The following EPPK1 variants were observed in gnomAD, a reference collection of about 807,000 sequenced individuals.
EPPK1 encodes the protein epiplakin.
For missense variants in EPPK1, 3,823 were observed against 3,673.3 expected, an observed-to-expected ratio of 1.04 and a Z score of -1.05; for synonymous variants, 1,862 against 1,721.2, an observed-to-expected ratio of 1.08 and a Z score of -2.03.
At position 143,868,325 on chromosome 8, in the gene EPPK1, C is replaced by T. The variant is rs782342870; in HGVS notation, c.4929G>A (p.Leu1643=). The T allele has an allele frequency of 5.0e-6, 8 of 1,613,168 alleles. No individual in the cohort carries two copies. In the East Asian group the frequency reaches 8.9e-5, roughly 18 times the overall value. Residue 1643 remains leucine, a synonymous_variant, in exon 2 of 2, where the codon CTG becomes CTA. Transcript: ENST00000615648. ...MFGKETYVKL[L]SAERAVTGYT... is the part of the protein sequence containing the mutation. ...AGCCGGTGACGGCGCGCTCGGCCGA[C>T]AGCAGCTTCACGTAGGTTTCTTTCC...
chr8:143,873,851 A>G (rs543821511), intron 1 of EPPK1, among the ~76,000 whole-genome samples: 163 of 151,896 alleles, frequency 1.1e-3, no homozygotes, highest in African/African-American at 3.6e-3. Flanking sequence ...ACTCCAGAGA[A>G]GCCTCTGCCA....
rs192089443 is a variant in EPPK1 at position 143,870,639 on chromosome 8, G to A, written c.2615C>T (p.Thr872Met). Residue 872 changes from threonine (T) to methionine (M), a missense_variant, in exon 2 of 2, where the codon ACG becomes ATG. Transcript: ENST00000615648. The surrounding 1 kb of genome is among the most constrained non-coding windows in gnomAD (Gnocchi z 5.2). ...CAGCATGATGTCCGCCTGTCTCTGC[G>A]TCTCCGCCTCCAGCAGCTTTGCCAC... The part of the protein sequence containing the change: ...GQVAKLLEAE[T>M]QRQADIMLPA... 842 of 1,606,462 alleles carry A rather than the reference G, an allele frequency of 5.2e-4. 1 individual carries two copies. Among genetic ancestry groups the A allele is most frequent in the Admixed American group, 2.1e-3 (122 of 59,262 alleles).
At position 143,871,668 on chromosome 8, in the gene EPPK1, T is replaced by C. The variant is rs1554661259; in HGVS notation, c.1586A>G (p.Gln529Arg). The C allele has an allele frequency of 1.2e-6, 2 of 1,602,994 alleles. No homozygotes were observed. The highest frequency in any genetic ancestry group is 2.7e-5 in the African/African-American group (2 of 74,772). Residue 529 changes from glutamine to arginine, a missense_variant, in exon 2 of 2, where the codon CAG becomes CGG. Transcript: ENST00000615648. ...ISSEQRAMLA[Q>R]QYQEGTLSVE... ...GGAGAGGGTCCCTTCCTGGTACTGC[T>C]GGGCCAGCATCGCCCTCTGCTCTGA...
chr8:143,873,043 C>T lies in EPPK1; in HGVS notation c.211G>A (p.Gly71Arg), dbSNP rs193226526. Residue 71 changes from glycine (G) to arginine (R), a missense_variant, in exon 2 of 2, where the codon GGG becomes AGG. Coordinates refer to ENST00000615648, the MANE Select transcript of EPPK1 (RefSeq NM_031308.4). The stretch of plus-strand genomic sequence containing the variant: ...GCCTGGGCCTCTAGCAGAGCCTGCC[C>T]GAGCCCAGCAGGCAGGAGGCCCTGC... ...MEQGLLPAGL[G>R]QALLEAQAAT... The T allele has an allele frequency of 1.1e-5, 17 of 1,564,602 alleles. No homozygotes were observed. The highest frequency in any genetic ancestry group is 9.5e-5 in the African/African-American group (7 of 73,738).
At position 143,867,911 on chromosome 8, in the gene EPPK1, A is replaced by G. The variant is rs781964389; in HGVS notation, c.5343T>C (p.Thr1781=). The change falls in exon 2 of 2, where the codon ACT becomes ACC. Residue 1781 remains threonine (T), a synonymous_variant. Coordinates refer to ENST00000615648, the MANE Select transcript of EPPK1 (RefSeq NM_031308.4). ...EATRHVLQSR[T]AKMRVGRFAD... is the part of the protein sequence containing the mutation. ...CAAACCTCCCCACGCGCATTTTTGC[A>G]GTTCTGGATTGCAACACGTGTCTCG... 8.7e-6 allele frequency: 14 copies of G among 1,613,434 alleles called. No individual in the cohort carries two copies. The South Asian group carries it at 1.5e-4, about 18-fold the overall frequency.
chr8:143,858,011 T>A lies in EPPK1; in HGVS notation c.15243A>T (p.Leu5081=). The A allele has an allele frequency of 6.2e-7, 1 of 1,602,434 alleles. No homozygotes were observed. Among genetic ancestry groups the A allele is most frequent in the Non-Finnish European group, 8.5e-7 (1 of 1,176,190 alleles). Residue 5081 remains leucine, a synonymous_variant, in exon 2 of 2, where the codon CTA becomes CTT. Transcript: ENST00000615648. ...GTCACTGTAGAGAGAGAGAAAGAAA[T>A]AGGAGCCCCGTCTCAGGGTCCAGGG... ...RATLDPETGL[L]FLSLSLQ
Position 143,870,198 on chromosome 8 carries a change from T to C in EPPK1, c.3056A>G (p.Gln1019Arg). The C allele has an allele frequency of 6.2e-7, 1 of 1,610,972 alleles. No homozygotes were observed. The highest frequency in any genetic ancestry group is 8.5e-7 in the Non-Finnish European group (1 of 1,179,190). Residue 1019 changes from glutamine (Q) to arginine (R), a missense_variant, in exon 2 of 2, where the codon CAG becomes CGG. Transcript: ENST00000615648. The surrounding 1 kb of genome is among the most constrained non-coding windows in gnomAD (Gnocchi z 5.2). ...CTTCATGGCCTGGAACACAGACACC[T>C]GCTTCCCAGAGAAGGGGTCTCTGAA... ...AGFRDPFSGK[Q>R]VSVFQAMKKG...
At chr8:143,878,132 C>A (rs905414690) in intron 1 of EPPK1, among the ~76,000 whole-genome samples, 1 of 152,070 alleles carries the variant, frequency 6.6e-6, no homozygotes, top group Non-Finnish European at 1.5e-5. Context: ...CCCCTGGCCG[C>A]CTCTCCCGTG....
At chr8:143,873,348 C>T (rs1554661948) in intron 1 of EPPK1, 50 bp from the exon 2 acceptor site, 1 of 1,335,198 alleles carries the variant, frequency 7.5e-7, no homozygotes, top group Non-Finnish European at 9.8e-7. Context: ...GCCTGGTGGG[C>T]ACGAGGGAAG....
intron 1 of EPPK1, among the ~76,000 whole-genome samples, chr8:143,876,722 C>T (rs1213100770): frequency 1.3e-5 from 2 of 152,246 alleles, no homozygotes; most frequent in South Asian, 2.1e-4. Flanking sequence ...CTAAGGCAGC[C>T]ACTCACTATG....
rs1563880200 is a variant in EPPK1, at chr8:143,867,325, C to A, written c.5929G>T (p.Gly1977Cys). 3.1e-6 allele frequency: 5 copies of A among 1,612,726 alleles called. No homozygotes were observed. Among genetic ancestry groups the A allele is most frequent in the Non-Finnish European group, 3.4e-6 (4 of 1,179,824 alleles). The change falls in exon 2 of 2, where the codon GGC becomes TGC. Residue 1977 changes from glycine (G) to cysteine (C), a missense_variant. By Grantham distance (159) the Gly-to-Cys change is radical. Coordinates refer to ENST00000615648, the MANE Select transcript of EPPK1 (RefSeq NM_031308.4). ...RLLKAERAAT[G>C]YRDPATGDTI... is the part of the protein sequence containing the mutation. ...TCTCCTGTGGCCGGATCCCTGTAGC[C>A]CGTGGCAGCTCTTTCAGCCTTCAGG...
rs1259292712 is a variant in EPPK1, at chr8:143,866,459, C to T, written c.6795G>A (p.Ala2265=). Residue 2265 remains alanine (A), a synonymous_variant, in exon 2 of 2, where the codon GCG becomes GCA. Transcript: ENST00000615648. ...CGATGACGAAGCCGGTGGCCGCCTG[C>T]GCCTCCAGCAGCACCAGGGCCGTGC... is the stretch of plus-strand genomic sequence containing the variant. The part of the protein sequence containing the change: ...RPGTALVLLE[A]QAATGFVIDP... 155 of 1,451,932 alleles carry T rather than the reference C, an allele frequency of 1.1e-4. No individual in the cohort carries two copies. In the South Asian group the frequency reaches 1.2e-3, roughly 11 times the overall value. 89.9% of individuals were successfully genotyped at this position (1,451,932 alleles called of 1,614,324 possible). A position where few individuals can be genotyped will look rare whatever the true frequency, so the allele number is the denominator to read the frequency against.
In EPPK1 at chr8:143,870,433, C is replaced by T. The variant is rs1554660777; in HGVS notation, c.2821G>A (p.Gly941Ser). The T allele has an allele frequency of 3.1e-6, 5 of 1,596,776 alleles. No individual in the cohort carries two copies. The highest frequency in any genetic ancestry group is 2.6e-6 in the Non-Finnish European group (3 of 1,176,390). The stretch of plus-strand genomic sequence containing the variant: ...GCCTGGTAGAGGCTGAGCCGCTGGC[C>T]AGAGGGCAGCAGCCGCACACCGCCC... The part of the protein sequence containing the change: ...AVGGVRLLPS[G>S]QRLSLYQAMR... The change falls in exon 2 of 2, where the codon GGC (glycine) becomes AGC (serine). Residue 941 changes from glycine to serine, a missense_variant. By Grantham distance (56) the Gly-to-Ser change is moderately conservative. Coordinates refer to ENST00000615648, the MANE Select transcript of EPPK1 (RefSeq NM_031308.4). This position sits in a 1 kb window ranked among gnomAD's most constrained non-coding sequence, Gnocchi z 5.2.
Position 143,869,616 on chromosome 8 carries a change from A to C in EPPK1, c.3638T>G (p.Ile1213Ser). Residue 1213 changes from isoleucine to serine, a missense_variant, in exon 2 of 2, where the codon ATC becomes AGC. Transcript: ENST00000615648. The part of the protein sequence containing the change: ...VPAVWLLDAG[I>S]ITQETLEALA... ...GGCCTCAAGGGTCTCCTGGGTGATG[A>C]TGCCAGCATCCAGCAGCCAGACAGC... The C allele has an allele frequency of 1.3e-6, 2 of 1,577,222 alleles. No homozygotes were observed. Among genetic ancestry groups the C allele is most frequent in the South Asian group, 1.1e-5 (1 of 87,142 alleles).
Position 143,866,548 on chromosome 8 carries a change from G to A in EPPK1, c.6706C>T (p.Gln2236Ter). Residue 2236 changes from glutamine to a stop codon, truncating the protein, a stop_gained, in exon 2 of 2, where the codon CAG (glutamine) becomes TAG (stop). Transcript: ENST00000615648. LOFTEE classifies it low-confidence loss of function (END_TRUNC). ...IAGVLVPAKD[Q>*]PGRQEKMSIY... ...CTCATCTTCTCCTGGCGGCCGGGCT[G>A]GTCCTTGGCGGGCACCAGGACGCCC... 6.2e-7 allele frequency: 1 copy of A among 1,602,312 alleles called. No homozygotes were observed. The highest frequency in any genetic ancestry group is 1.1e-5 in the South Asian group (1 of 89,862).
chr8:143,873,194 G>C lies in EPPK1; in HGVS notation c.60C>G (p.Ala20=). 1 of 1,593,496 alleles carries C rather than the reference G, an allele frequency of 6.3e-7. No individual in the cohort carries two copies. Among genetic ancestry groups the C allele is most frequent in the East Asian group, 2.2e-5 (1 of 44,784 alleles). ...TGGCTGCCATGGCTCTGGGTACACT[G>C]GCCTGCTCTGTGCTGTTGGTGCCTG... The part of the protein sequence containing the change: ...PVPGTNSTEQ[A]SVPRAMAATL... Residue 20 remains alanine (A), a synonymous_variant, in exon 2 of 2, where the codon GCC becomes GCG. Transcript: ENST00000615648.
At chr8:143,875,235 C>T (rs1482311464) in intron 1 of EPPK1, among the ~76,000 whole-genome samples, 1 of 152,188 alleles carries the variant, frequency 6.6e-6, no homozygotes, top group East Asian at 1.9e-4. Flanking sequence ...TCTGGTCTCA[C>T]GAAGGGCATG....
In EPPK1 at chr8:143,872,667, C is replaced by A; in HGVS notation, c.587G>T (p.Gly196Val). The A allele has an allele frequency of 6.2e-7, 1 of 1,608,348 alleles. No individual in the cohort carries two copies. The highest frequency in any genetic ancestry group is 8.5e-7 in the Non-Finnish European group (1 of 1,178,788). The stretch of plus-strand genomic sequence containing the variant: ...GTTGGGGTCGAGGAAGCGCAGGTCA[C>A]CTGTGCCAGGCTCAAGCTCTGACAG... ...HKLSELEPGT[G>V]DLRFLDPNTL... The change falls in exon 2 of 2, where the codon GGT (glycine) becomes GTT (valine). Residue 196 changes from glycine to valine, a missense_variant. Transcript: ENST00000615648.
Position 143,866,771 on chromosome 8 carries a change from C to G in EPPK1, c.6483G>C (p.Leu2161Phe), listed in dbSNP as rs782332961. 1.2e-6 allele frequency: 2 copies of G among 1,613,416 alleles called. No homozygotes were observed. The highest frequency in any genetic ancestry group is 2.7e-5 in the African/African-American group (2 of 74,930). The change falls in exon 2 of 2, where the codon TTG (leucine) becomes TTC (phenylalanine). Residue 2161 changes from leucine (L) to phenylalanine (F), a missense_variant. Coordinates refer to ENST00000615648, the MANE Select transcript of EPPK1 (RefSeq NM_031308.4). The stretch of plus-strand genomic sequence containing the variant: ...TGTTGCTGGTTTCCTGCTTCTCGAT[C>G]AACTCTAAGATGAGCTGCGCTACCG... ...LQTVAQLILELIEKQETSNKH... is the reference protein window; with the variant it reads ...LQTVAQLILEFIEKQETSNKH...
Sources: gnomAD v4.1 joint callset for allele counts (sites outside exome capture counted in the v4.1 genomes callset) on GRCh38, gnomAD v4.1.1 for gene constraint, Gnocchi (gnomAD v3.1) non-coding constraint, MANE v1.5 for transcripts, NCBI Gene and HGNC (gene_info 2026-07-23, HGNC 2026-07-21) for gene names.